ADGRA1: variants seen among roughly 807,000 people sequenced by gnomAD.
The protein encoded by ADGRA1 is adhesion G protein-coupled receptor A1, also known as G-protein coupled receptor 123.
Under a neutral mutation model 21.3 loss-of-function variants are expected in ADGRA1, and 12 were observed. The ratio of observed to expected loss-of-function variants is 0.56; its 90% CI spans 0.36 to 0.91. The LOEUF (loss-of-function observed/expected upper bound fraction) is 0.91. Among genes scored for constraint, ADGRA1 ranks in the 40% least tolerant of loss-of-function variants. The pLI, the probability that ADGRA1 is intolerant of heterozygous loss-of-function variation, is 0.01. For synonymous variants in ADGRA1, 385 were observed against 368.8 expected, an observed-to-expected ratio of 1.04 and a Z score of -0.50; for missense variants, 790 against 805.6, an observed-to-expected ratio of 0.98 and a Z score of 0.23.
intron 5 of ADGRA1, 27 bp downstream of exon 5, chr10:133,102,869 C>A: frequency 6.3e-7 from 1 of 1,590,910 alleles, no homozygotes; most frequent in Non-Finnish European, 8.6e-7. Flanking sequence ...GGCGCGAGGC[C>A]CCGCCACCTG....
At chr10:133,116,435 C>G (rs1333279292) in intron 5 of ADGRA1, among the ~76,000 whole-genome samples, 1 of 149,980 alleles carries the variant, frequency 6.7e-6, no homozygotes, top group Non-Finnish European at 1.5e-5. Context: ...CCCGCCACCA[C>G]CCACGGTCCC....
At chr10:133,124,242 GGGCTCTGCACCCTCCCC>G (rs1402362633) in intron 5 of ADGRA1, among the ~76,000 whole-genome samples, 6 of 148,942 alleles carry the variant, frequency 4.0e-5, no homozygotes, top group African/African-American at 1.0e-4. Flanking sequence ...CCACCCTCTT[GGGCTCTGCACCCTCCCC>G]GGCTCTGCAC....
Position 133,128,560 on chromosome 10 carries a change from C to T in ADGRA1, c.732C>T (p.Ser244=), listed in dbSNP as rs778961213. Residue 244 remains serine (S), a synonymous_variant, in exon 7 of 7, where the codon TCC becomes TCT. Coordinates refer to ENST00000392607, the MANE Select transcript of ADGRA1 (RefSeq NM_001083909.3). ...CCGCACACGATGCCCCCGGCGCCTC[C>T]GTGCTGCAGAACGAGCACTCATTCC... ...TPPAHDAPGA[S]VLQNEHSFQA... is the part of the protein sequence containing the mutation. 3.8e-6 allele frequency: 6 copies of T among 1,564,360 alleles called. No individual in the cohort carries two copies. The highest frequency in any genetic ancestry group is 4.3e-6 in the Non-Finnish European group (5 of 1,156,762).
chr10:133,099,130 T>TG (rs897185331), intron 4 of ADGRA1, among the ~76,000 whole-genome samples: 3 of 149,668 alleles, frequency 2.0e-5, no homozygotes, highest in African/African-American at 7.4e-5. Flanking sequence ...GAGAAAGTGC[T>TG]GGGGGGACAC....
chr10:133,111,885 C>T (rs1482248840), intron 5 of ADGRA1, among the ~76,000 whole-genome samples: 68 of 102,186 alleles, frequency 6.7e-4, no homozygotes, highest in East Asian at 1.6e-3. Context: ...ACCACCTGCC[C>T]ACCACAGACA....
chr10:133,111,153 C>G (rs1232051376), intron 5 of ADGRA1, among the ~76,000 whole-genome samples: 2 of 150,712 alleles, frequency 1.3e-5, no homozygotes, highest in East Asian at 4.0e-4. Context: ...CTCTCCTAAT[C>G]CCACCAGACC....
intron 5 of ADGRA1, among the ~76,000 whole-genome samples, chr10:133,113,565 C>T (rs1381658273): frequency 6.6e-6 from 1 of 152,222 alleles, no homozygotes; most frequent in Non-Finnish European, 1.5e-5. Context: ...CTGGGGCCCT[C>T]GGGCACTGGG....
chr10:133,100,244 C>T (rs1432265478), intron 4 of ADGRA1, among the ~76,000 whole-genome samples: 1 of 152,262 alleles, frequency 6.6e-6, no homozygotes, highest in East Asian at 1.9e-4. Flanking sequence ...TGGCTAAGGT[C>T]AGACGTACCT....
At chr10:133,125,903 C>T (rs1331951764) in intron 5 of ADGRA1, among the ~76,000 whole-genome samples, 1 of 152,218 alleles carries the variant, frequency 6.6e-6, no homozygotes, top group East Asian at 1.9e-4. Context: ...GGCAGAGCAC[C>T]ATCCCCAGTG....
rs551538361 is a variant in ADGRA1, at chr10:133,126,808, G to C, written c.402-425G>C. On this transcript the variant is annotated intron_variant, in intron 5 of 6. Coordinates refer to ENST00000392607, the MANE Select transcript of ADGRA1 (RefSeq NM_001083909.3). The stretch of plus-strand genomic sequence containing the variant: ...GCGGGGCCTTAAAACTGTTTAAAAC[G>C]GGGCACTGCTGGTCACTGGCCACGC... 4.3e-4 allele frequency among the ~76,000 whole-genome samples: 66 copies of C among 152,302 alleles called. 1 individual carries two copies. The highest frequency in any genetic ancestry group is 3.4e-3 in the Middle Eastern group (1 of 294).
chr10:133,093,268 T>G, intron 2 of ADGRA1: 1 of 1,573,826 alleles, frequency 6.4e-7, no homozygotes. Flanking sequence ...GGTTAAGTTT[T>G]GATCAGAAAA....
At chr10:133,112,481 C>T (rs112198981) in intron 5 of ADGRA1, among the ~76,000 whole-genome samples, 4,358 of 139,490 alleles carry the variant, frequency 0.031, 171 homozygotes, top group African/African-American at 0.092. Flanking sequence ...CTGCGGGCCG[C>T]GTCGGTTATT....
intron 4 of ADGRA1, 132 bp from the exon 5 acceptor site, chr10:133,102,565 C>A: frequency 9.1e-7 from 1 of 1,095,350 alleles, no homozygotes; most frequent in Non-Finnish European, 1.3e-6. Context: ...GCGGCCGCTG[C>A]CTGCCCTGGG....
intron 2 of ADGRA1, among the ~76,000 whole-genome samples, chr10:133,094,979 G>A (rs1483455682): frequency 6.6e-5 from 10 of 152,254 alleles, no homozygotes; most frequent in South Asian, 4.1e-4. Context: ...GGAAGTGGGC[G>A]CCTACTAAAC....
chr10:133,093,661 C>T (rs1851640620), intron 2 of ADGRA1, among the ~76,000 whole-genome samples: 1 of 152,202 alleles, frequency 6.6e-6, no homozygotes, highest in African/African-American at 2.4e-5. Flanking sequence ...CCACCTTCAT[C>T]CGCCCCTTCC....
chr10:133,093,484 G>A (rs1405456238), intron 2 of ADGRA1, among the ~76,000 whole-genome samples: 5 of 152,202 alleles, frequency 3.3e-5, no homozygotes, highest in South Asian at 2.1e-4. Context: ...GGGCTCACAC[G>A]CTGGCGGGAC....
At chr10:133,092,290 C>T (rs758235835) in intron 2 of ADGRA1, among the ~76,000 whole-genome samples, 1 of 152,242 alleles carries the variant, frequency 6.6e-6, no homozygotes, top group Non-Finnish European at 1.5e-5. Flanking sequence ...CTACTTCCTT[C>T]ATCTCACAGA....
intron 5 of ADGRA1, among the ~76,000 whole-genome samples, chr10:133,124,834 G>A (rs1364776736): frequency 4.0e-5 from 4 of 98,954 alleles, no homozygotes; most frequent in Non-Finnish European, 7.7e-5. Flanking sequence ...CCCTTCCCCC[G>A]GCCCCGGCCC....
At chr10:133,116,752 G>A (rs1323832213) in intron 5 of ADGRA1, among the ~76,000 whole-genome samples, 7 of 152,058 alleles carry the variant, frequency 4.6e-5, no homozygotes, top group African/African-American at 1.4e-4. Context: ...TTTTGGCCGC[G>A]CCTCTTTCTT....
Sources: gnomAD v4.1 joint callset for allele counts (sites outside exome capture counted in the v4.1 genomes callset) on GRCh38, gnomAD v4.1.1 for gene constraint, MANE v1.5 for transcripts, NCBI Gene and HGNC (gene_info 2026-07-23, HGNC 2026-07-21) for gene names.